The following CACNB2 variants were observed in gnomAD, a reference collection of about 807,000 sequenced individuals.
CACNB2 encodes voltage-dependent L-type calcium channel subunit beta-2.
CACNB2 carries 42 observed loss-of-function variants against 73.3 expected under a neutral mutation model. The observed-to-expected ratio is 0.57, with a 90% confidence interval of 0.45 to 0.74. The LOEUF is 0.74. CACNB2 is among the 30% of genes least tolerant of loss of function. The pLI, the probability that CACNB2 is intolerant of heterozygous loss-of-function variation, is 0.00. For missense variants in CACNB2, 940 were observed against 853.0 expected (o/e 1.10, Z -1.27); for synonymous variants, 348 against 310.3 (o/e 1.12, Z -1.28).
intron 3 of CACNB2, among the ~76,000 whole-genome samples, chr10:18,461,859 A>G (rs17692465): frequency 0.18 from 24,885 of 142,076 alleles, 2,246 homozygotes; most frequent in East Asian, 0.23. Flanking sequence ...CTTCCAATCT[A>G]TCCTTTGGCA....
intron 2 of CACNB2, among the ~76,000 whole-genome samples, chr10:18,227,619 G>C (rs1261666062): frequency 6.6e-6 from 1 of 152,158 alleles, no homozygotes; most frequent in Admixed American, 6.5e-5. Context: ...ACAGAAAGGT[G>C]GTCTTGGGCG....
At chr10:18,250,067 A>G (rs2037027893) in intron 2 of CACNB2, among the ~76,000 whole-genome samples, 1 of 152,148 alleles carries the variant, frequency 6.6e-6, no homozygotes, top group Non-Finnish European at 1.5e-5. Context: ...GGACTTCAAA[A>G]TATATCCAGA....
intron 2 of CACNB2, among the ~76,000 whole-genome samples, chr10:18,241,596 T>A: frequency 6.6e-6 from 1 of 150,884 alleles, no homozygotes; most frequent in African/African-American, 2.4e-5. Context: ...AAAAAAAAGA[T>A]ACATACAGGT....
chr10:18,534,350 T>A lies in CACNB2; in HGVS notation c.1206+123T>A, dbSNP rs10764582. 0.37 allele frequency: 329,528 copies of A among 880,180 alleles called. 65,576 individuals are homozygous for A. Among genetic ancestry groups the A allele is most frequent in the East Asian group, 0.72 (29,497 of 41,150 alleles). The allele number at this position is 880,180 out of a possible 1,614,324, so 54.5% of individuals were successfully genotyped here. On this transcript the variant is annotated intron_variant, in intron 11 of 13. Coordinates refer to ENST00000324631, the MANE Select transcript of CACNB2 (RefSeq NM_201596.3). ...GATGTATAGAGAATTTGAGGAGACA[T>A]GATAGTCAAGAATTTTTAAATTGAT...
At chr10:18,208,681 T>C (rs2035196705) in intron 2 of CACNB2, among the ~76,000 whole-genome samples, 1 of 151,980 alleles carries the variant, frequency 6.6e-6, no homozygotes, top group Non-Finnish European at 1.5e-5. Flanking sequence ...CCTTATTGCT[T>C]GTTCACCTTA....
chr10:18,389,417 G>A (rs2043369801), intron 2 of CACNB2, among the ~76,000 whole-genome samples: 1 of 152,176 alleles, frequency 6.6e-6, no homozygotes, highest in African/African-American at 2.4e-5. Context: ...GGGATTACAG[G>A]CATGAGTCAC....
At chr10:18,530,639 T>C (rs575012219) in intron 10 of CACNB2, among the ~76,000 whole-genome samples, 3 of 152,244 alleles carry the variant, frequency 2.0e-5, no homozygotes, top group Admixed American at 1.3e-4. Context: ...AATGGTTGTA[T>C]GGGGACTCAA....
intron 2 of CACNB2, among the ~76,000 whole-genome samples, chr10:18,236,576 C>T (rs1267147487): frequency 6.6e-6 from 1 of 152,114 alleles, no homozygotes; most frequent in Admixed American, 6.5e-5. Context: ...TGGTATTAGC[C>T]AAAGTGGAGA....
intron 2 of CACNB2, among the ~76,000 whole-genome samples, chr10:18,346,081 C>T (rs184483078): frequency 6.6e-6 from 1 of 152,088 alleles, no homozygotes; most frequent in Non-Finnish European, 1.5e-5. Flanking sequence ...CTGCAGGGCT[C>T]CCCCTCCAGT....
In CACNB2 at chr10:18,539,411, C is replaced by T. The variant is rs137886839; in HGVS notation, c.1670C>T (p.Ser557Leu). 6.6e-4 allele frequency: 1,060 copies of T among 1,614,018 alleles called. 5 individuals are homozygous for T. In the East Asian group the frequency reaches 0.014, roughly 21 times the overall value. Residue 557 changes from serine (S) to leucine (L), a missense_variant, in exon 14 of 14, where the codon TCG (serine) becomes TTG (leucine). Coordinates refer to ENST00000324631, the MANE Select transcript of CACNB2 (RefSeq NM_201596.3). ...CTCTCCAGGCAAGAGACATTTGACT[C>T]GGAAACCCAGGAGAGTCGAGACTCT... ...RGLSRQETFD[S>L]ETQESRDSAY...
chr10:18,444,305 A>G (rs1012314721), intron 3 of CACNB2, among the ~76,000 whole-genome samples: 4 of 152,154 alleles, frequency 2.6e-5, no homozygotes, highest in Non-Finnish European at 5.9e-5. Flanking sequence ...CTTTCCACTG[A>G]GGACAGTCGA....
chr10:18,371,472 C>T (rs1409514491), intron 2 of CACNB2, among the ~76,000 whole-genome samples: 1 of 151,938 alleles, frequency 6.6e-6, no homozygotes, highest in Non-Finnish European at 1.5e-5. Context: ...GTTTTTTTGT[C>T]CTTGCGATAG....
chr10:18,458,521 A>C (rs1172989725), intron 3 of CACNB2, among the ~76,000 whole-genome samples: 2 of 152,188 alleles, frequency 1.3e-5, no homozygotes, highest in Non-Finnish European at 2.9e-5. Flanking sequence ...GAATAATTAC[A>C]ACAGTATCAT....
At chr10:18,431,099 C>G (rs1410379991) in intron 3 of CACNB2, among the ~76,000 whole-genome samples, 1 of 152,096 alleles carries the variant, frequency 6.6e-6, no homozygotes, top group Non-Finnish European at 1.5e-5. Flanking sequence ...CCTCTCACCT[C>G]AGTCTCCAGG....
At chr10:18,230,005 C>T (rs11013093) in intron 2 of CACNB2, among the ~76,000 whole-genome samples, 49,427 of 152,080 alleles carry the variant, frequency 0.33, 12,509 homozygotes, top group African/African-American at 0.71. Context: ...CCTCATGAAT[C>T]CTGGTGACAG....
intron 10 of CACNB2, among the ~76,000 whole-genome samples, chr10:18,530,315 A>G (rs923750753): frequency 5.9e-5 from 9 of 152,172 alleles, no homozygotes; most frequent in African/African-American, 1.9e-4. Flanking sequence ...GGGACACAAA[A>G]GTGAAGGACA....
intron 2 of CACNB2, among the ~76,000 whole-genome samples, chr10:18,211,132 C>T (rs1182901199): frequency 1.3e-5 from 2 of 151,962 alleles, no homozygotes; most frequent in African/African-American, 2.4e-5. Flanking sequence ...GACTTGGAGG[C>T]GGAGGGCTAT....
At chr10:18,192,652 T>TC (rs1278137431) in intron 2 of CACNB2, among the ~76,000 whole-genome samples, 3 of 152,142 alleles carry the variant, frequency 2.0e-5, no homozygotes, top group African/African-American at 7.2e-5. Flanking sequence ...ATCCTTCCCA[T>TC]CCCCCAGGCC....
At chr10:18,259,543 GA>G (rs1256024296) in intron 2 of CACNB2, among the ~76,000 whole-genome samples, 3 of 54,162 alleles carry the variant, frequency 5.5e-5, no homozygotes, top group Non-Finnish European at 1.1e-4. Flanking sequence ...CATCTCTACT[GA>G]AAAAAAAACA....
Sources: gnomAD v4.1 joint callset for allele counts (sites outside exome capture counted in the v4.1 genomes callset) on GRCh38, gnomAD v4.1.1 for gene constraint, MANE v1.5 for transcripts, NCBI Gene and HGNC (gene_info 2026-07-23, HGNC 2026-07-21) for gene names.